The following ROBO2 variants were observed in gnomAD, a reference collection of about 807,000 sequenced individuals.
The protein encoded by ROBO2 is roundabout homolog 2.
ROBO2 carries 53 observed loss-of-function variants against 160.8 expected under a neutral mutation model. That is an observed-to-expected ratio of 0.33 (90% CI 0.26 to 0.41). ROBO2 has a LOEUF of 0.41. ROBO2 is among the 10% of genes least tolerant of loss of function. The pLI, the probability that ROBO2 is intolerant of heterozygous loss-of-function variation, is 1.00. For synonymous variants in ROBO2, 664 were observed against 611.7 expected (o/e 1.09, Z -1.26); for missense variants, 1,577 against 1,722.4 (o/e 0.92, Z 1.49).
At chr3:77,384,365 T>G (rs1212338677) in intron 2 of ROBO2, among the ~76,000 whole-genome samples, 2 of 152,200 alleles carry the variant, frequency 1.3e-5, no homozygotes, top group Admixed American at 1.3e-4. Flanking sequence ...AGTCCATCTC[T>G]TTCTTGATAT....
intron 2 of ROBO2, among the ~76,000 whole-genome samples, chr3:76,030,187 T>G (rs1014346820): frequency 2.6e-5 from 4 of 152,230 alleles, no homozygotes; most frequent in African/African-American, 9.6e-5. Context: ...TCTGTTCATA[T>G]CCTTTGCCCA....
chr3:77,066,458 T>C (rs1015146415), intron 1 of ROBO2, among the ~76,000 whole-genome samples: 1 of 152,278 alleles, frequency 6.6e-6, no homozygotes, highest in African/African-American at 2.4e-5. Flanking sequence ...GTATTAATTA[T>C]AGTCTAATCA....
At chr3:75,963,255 A>G (rs1377437076) in intron 2 of ROBO2, among the ~76,000 whole-genome samples, 1 of 151,702 alleles carries the variant, frequency 6.6e-6, no homozygotes, top group African/African-American at 2.4e-5. Context: ...TGGTGCAATT[A>G]TGGCTCACTG....
At chr3:76,918,804 T>C (rs1250020634) in intron 2 of ROBO2, among the ~76,000 whole-genome samples, 2 of 152,248 alleles carry the variant, frequency 1.3e-5, no homozygotes. Flanking sequence ...AGCATTCCTA[T>C]TTCTCCACAT....
At chr3:76,603,348 AAAAATAT>A (rs1310550523) in intron 2 of ROBO2, among the ~76,000 whole-genome samples, 14 of 60,922 alleles carry the variant, frequency 2.3e-4, no homozygotes, top group South Asian at 1.1e-3. Flanking sequence ...AAAAAAAAAA[AAAAATAT>A]ATATATATAT....
intron 2 of ROBO2, among the ~76,000 whole-genome samples, chr3:77,167,644 T>G (rs1052423716): frequency 7.9e-5 from 12 of 152,202 alleles, no homozygotes; most frequent in Non-Finnish European, 1.6e-4. Context: ...CTGCATGATA[T>G]TTAGGCCTTA....
intron 2 of ROBO2, among the ~76,000 whole-genome samples, chr3:76,161,252 G>C (rs1189495317): frequency 6.6e-6 from 1 of 151,922 alleles, no homozygotes; most frequent in African/African-American, 2.4e-5. Flanking sequence ...ATACATTAAA[G>C]TTTCTAATCA....
intron 2 of ROBO2, among the ~76,000 whole-genome samples, chr3:76,158,867 T>C (rs1475807473): frequency 6.6e-6 from 1 of 152,198 alleles, no homozygotes; most frequent in East Asian, 1.9e-4. Flanking sequence ...TCAGATTACT[T>C]ATCATCTTTA....
At chr3:76,836,780 A>G (rs1055146475) in intron 2 of ROBO2, among the ~76,000 whole-genome samples, 1 of 151,890 alleles carries the variant, frequency 6.6e-6, no homozygotes, top group Non-Finnish European at 1.5e-5. Context: ...TTTTAAATTT[A>G]CTTAGACTAG....
At chr3:76,684,212 A>G (rs899300178) in intron 2 of ROBO2, among the ~76,000 whole-genome samples, 1 of 151,898 alleles carries the variant, frequency 6.6e-6, no homozygotes, top group African/African-American at 2.4e-5. Flanking sequence ...TGTCCAAACC[A>G]TTTTCTCCCT....
chr3:75,980,788 A>G (rs1023465079), intron 2 of ROBO2, among the ~76,000 whole-genome samples: 52 of 151,560 alleles, frequency 3.4e-4, no homozygotes, highest in African/African-American at 1.2e-3. Flanking sequence ...TTCTTGGCCA[A>G]TAACCTCTCC....
At chr3:77,291,531 T>C (rs993937580) in intron 2 of ROBO2, among the ~76,000 whole-genome samples, 1 of 150,216 alleles carries the variant, frequency 6.7e-6, no homozygotes, top group Non-Finnish European at 1.5e-5. Context: ...AAGGGTAGGC[T>C]GAGGCTAGAT....
chr3:77,349,912 A>G (rs7647304), intron 2 of ROBO2, among the ~76,000 whole-genome samples: 9,929 of 152,026 alleles, frequency 0.065, 1,084 homozygotes, highest in African/African-American at 0.22. Flanking sequence ...CCCTTCTAAT[A>G]TGTACTTCCA....
At chr3:77,289,923 T>C (rs569676820) in intron 2 of ROBO2, among the ~76,000 whole-genome samples, 22 of 150,182 alleles carry the variant, frequency 1.5e-4, no homozygotes, top group African/African-American at 4.9e-4. Flanking sequence ...TAAAGTAAAA[T>C]TGATGGTTAA....
intron 17 of ROBO2, among the ~76,000 whole-genome samples, chr3:77,593,958 C>T (rs774034130): frequency 6.6e-6 from 1 of 152,140 alleles, no homozygotes; most frequent in Non-Finnish European, 1.5e-5. Context: ...ATTGGGTTCA[C>T]AGCTGTGAAA....
intron 2 of ROBO2, among the ~76,000 whole-genome samples, chr3:77,459,571 T>C (rs188117692): frequency 6.6e-6 from 1 of 152,324 alleles, no homozygotes; most frequent in East Asian, 1.9e-4. Flanking sequence ...ACAAGAATAC[T>C]TTTACACAGT....
At chr3:77,630,368 C>T (rs984167272) in intron 23 of ROBO2, 3 of 152,358 alleles carry the variant, frequency 2.0e-5, no homozygotes, top group African/African-American at 4.8e-5. Context: ...AGGGGCATGT[C>T]TTACAAGGTA....
At chr3:77,154,295 A>T (rs1057291852) in intron 2 of ROBO2, among the ~76,000 whole-genome samples, 12 of 152,124 alleles carry the variant, frequency 7.9e-5, no homozygotes, top group African/African-American at 2.7e-4. Context: ...TACAGAGGAA[A>T]AAAACAGGCA....
rs142468141 is a variant in ROBO2 at position 77,296,685 on chromosome 3, G to C, written c.389-180729G>C. Among the ~76,000 whole-genome samples the C allele has an allele frequency of 6.3e-3, 957 of 152,196 alleles. 16 individuals are homozygous for C. Among genetic ancestry groups the C allele is most frequent in the African/African-American group, 0.022 (919 of 41,534 alleles). ...ACAATTGCTCAGAATATTCTAGGCC[G>C]ATGGAAAAGGCCTTGTGGTAAGATG... On this transcript the variant is annotated intron_variant, in intron 2 of 25. Transcript: ENST00000461745.
Sources: allele counts gnomAD v4.1 joint callset (sites outside exome capture counted in the v4.1 genomes callset), GRCh38; gene constraint gnomAD v4.1.1; transcripts MANE v1.5; gene names NCBI Gene and HGNC (gene_info 2026-07-23, HGNC 2026-07-21).